The following PACRG variants were observed in gnomAD, a reference collection of about 807,000 sequenced individuals.
The protein encoded by PACRG is parkin coregulated gene protein.
PACRG carries 29 observed loss-of-function variants against 29.7 expected under a neutral mutation model. That is an observed-to-expected ratio of 0.98 (90% CI 0.73 to 1.33). PACRG has a LOEUF of 1.33. Among genes scored for constraint, PACRG ranks in the 40% most tolerant of loss-of-function variants. The pLI, the probability that PACRG is intolerant of heterozygous loss-of-function variation, is 0.00. For synonymous variants in PACRG, 116 were observed against 118.7 expected, an observed-to-expected ratio of 0.98 and a Z score of 0.15; for missense variants, 279 against 316.2, an observed-to-expected ratio of 0.88 and a Z score of 0.89.
chr6:163,177,673 A>G (rs997968289), intron 4 of PACRG, among the ~76,000 whole-genome samples: 8 of 138,732 alleles, frequency 5.8e-5, no homozygotes, highest in Non-Finnish European at 1.2e-4. Context: ...ATGGAAGGAG[A>G]GACTAAAAGA....
rs1810432339 is a variant in PACRG at position 163,055,020 on chromosome 6, A to G, written c.292-7130A>G. Among the ~76,000 whole-genome samples, 1 of 152,204 alleles carries G rather than the reference A, an allele frequency of 6.6e-6. No individual in the cohort carries two copies. Among genetic ancestry groups the G allele is most frequent in the African/African-American group, 2.4e-5 (1 of 41,446 alleles). Reference sequence around the variant, plus strand: ...TTGTGCTGTGCTGAGGAGAACAGAAAGGAGATTCAAGGATTAGACACAAAG... The same window carrying G: ...TTGTGCTGTGCTGAGGAGAACAGAAGGGAGATTCAAGGATTAGACACAAAG... On this transcript the variant is annotated intron_variant, in intron 2 of 4. Transcript: ENST00000366888. The surrounding 1 kb of genome is among the most constrained non-coding windows in gnomAD (Gnocchi z 4.0).
chr6:162,960,070 T>G (rs923339417), intron 2 of PACRG, among the ~76,000 whole-genome samples: 2 of 152,144 alleles, frequency 1.3e-5, no homozygotes, highest in Non-Finnish European at 2.9e-5. Context: ...ATCTCACACC[T>G]GTCAGAATGT....
intron 4 of PACRG, among the ~76,000 whole-genome samples, chr6:163,159,967 TGCTCCGAC>T (rs1778488697): frequency 6.6e-6 from 1 of 152,198 alleles, no homozygotes; most frequent in Non-Finnish European, 1.5e-5. Context: ...TTGCCAGCCC[TGCTCCGAC>T]AGAGGCTGGC....
Position 163,270,269 on chromosome 6 carries a change from G to A in PACRG, c.614-44558G>A, listed in dbSNP as rs557438155. 3.9e-5 allele frequency among the ~76,000 whole-genome samples: 6 copies of A among 152,198 alleles called. No homozygotes were observed. In the South Asian group the frequency reaches 1.2e-3, roughly 32 times the overall value. On this transcript the variant is annotated intron_variant, in intron 4 of 4. Coordinates refer to ENST00000366888, the MANE Select transcript of PACRG (RefSeq NM_001080379.2). ...TAGGTCGGCAGGCTAACCCCCTGGGGAAAAATATTTTTAAAATTATTAGGA... is the reference window on the plus strand; with the variant it reads ...TAGGTCGGCAGGCTAACCCCCTGGGAAAAAATATTTTTAAAATTATTAGGA...
At chr6:162,819,189 G>C (rs1787618540) in intron 2 of PACRG, among the ~76,000 whole-genome samples, 1 of 152,098 alleles carries the variant, frequency 6.6e-6, no homozygotes, top group African/African-American at 2.4e-5. Flanking sequence ...ATGTGAGAAT[G>C]GACTTAGGTG....
intron 4 of PACRG, among the ~76,000 whole-genome samples, chr6:163,103,871 A>C (rs1815236336): frequency 6.6e-6 from 1 of 152,230 alleles, no homozygotes; most frequent in Non-Finnish European, 1.5e-5. Flanking sequence ...GCATTGGATC[A>C]AATGACTTGC....
chr6:163,013,671 G>A (rs1467091378), intron 2 of PACRG, among the ~76,000 whole-genome samples: 1 of 151,998 alleles, frequency 6.6e-6, no homozygotes, highest in African/African-American at 2.4e-5. Flanking sequence ...AAGTGTTTCT[G>A]GTGCTGCATT....
intron 1 of PACRG, among the ~76,000 whole-genome samples, chr6:162,740,593 A>G (rs1026301156): frequency 7.6e-6 from 1 of 131,412 alleles, no homozygotes; most frequent in Non-Finnish European, 1.6e-5. Context: ...CTGGGATTAC[A>G]GGCATGAGCC....
intron 2 of PACRG, among the ~76,000 whole-genome samples, chr6:162,988,561 A>G (rs1404219589): frequency 6.6e-6 from 1 of 152,192 alleles, no homozygotes; most frequent in East Asian, 1.9e-4. Flanking sequence ...ACAGAAAGCT[A>G]TTATGTAGCC....
At chr6:163,223,837 T>G (rs1181057110) in intron 4 of PACRG, among the ~76,000 whole-genome samples, 2 of 152,152 alleles carry the variant, frequency 1.3e-5, no homozygotes, top group Admixed American at 6.5e-5. Context: ...GCTAATTGAA[T>G]TGCTTTTCTA....
At chr6:163,002,503 A>G (rs1804679917) in intron 2 of PACRG, among the ~76,000 whole-genome samples, 1 of 152,228 alleles carries the variant, frequency 6.6e-6, no homozygotes, top group Non-Finnish European at 1.5e-5. Context: ...AAAAGAGCAG[A>G]AATGATTAAG....
At chr6:163,144,129 TG>T (rs2128335563) in intron 4 of PACRG, among the ~76,000 whole-genome samples, 1 of 149,534 alleles carries the variant, frequency 6.7e-6, no homozygotes, top group African/African-American at 2.5e-5. Flanking sequence ...CATGGGAGTC[TG>T]GGGCAGGAGA....
At chr6:163,151,723 T>C (rs548404399) in intron 4 of PACRG, among the ~76,000 whole-genome samples, 9 of 152,334 alleles carry the variant, frequency 5.9e-5, no homozygotes, top group African/African-American at 1.9e-4. Flanking sequence ...AAGTTGAGTT[T>C]ACCCGCTAAA....
chr6:162,847,697 T>C (rs937498632), intron 2 of PACRG, among the ~76,000 whole-genome samples: 2 of 151,792 alleles, frequency 1.3e-5, no homozygotes, highest in East Asian at 1.9e-4. Flanking sequence ...TTAGGGAAGA[T>C]AGAGCATGTT....
chr6:163,313,479 G>A (rs1585423083), intron 4 of PACRG, among the ~76,000 whole-genome samples: 1 of 152,258 alleles, frequency 6.6e-6, no homozygotes, highest in East Asian at 1.9e-4. Context: ...GTGTAGGATT[G>A]TAATTGTTAT....
At chr6:162,806,335 T>C (rs1786324544) in intron 1 of PACRG, among the ~76,000 whole-genome samples, 1 of 151,772 alleles carries the variant, frequency 6.6e-6, no homozygotes, top group Non-Finnish European at 1.5e-5. Flanking sequence ...CTTGAACTCC[T>C]GACCTCAGGT....
intron 2 of PACRG, among the ~76,000 whole-genome samples, chr6:162,903,849 C>T (rs1386524109): frequency 6.6e-6 from 1 of 152,194 alleles, no homozygotes; most frequent in Non-Finnish European, 1.5e-5. Context: ...TTCACCCTGC[C>T]TCAGGGTGGG....
At chr6:162,814,305 G>A (rs1239304717) in intron 2 of PACRG, 24 bp downstream of exon 2, 11 of 1,607,200 alleles carry the variant, frequency 6.8e-6, no homozygotes, top group East Asian at 2.2e-5. Context: ...CAGCTGTGCC[G>A]GCCAGCTGCA....
intron 3 of PACRG, among the ~76,000 whole-genome samples, chr6:163,074,838 T>A (rs1171028902): frequency 2.6e-5 from 4 of 152,084 alleles, no homozygotes; most frequent in South Asian, 4.2e-4. Flanking sequence ...ATTAAAAAAA[T>A]TAATTAGCCA....
Sources: allele counts gnomAD v4.1 joint callset (sites outside exome capture counted in the v4.1 genomes callset), GRCh38; gene constraint gnomAD v4.1.1; non-coding constraint Gnocchi (gnomAD v3.1); transcripts MANE v1.5; gene names NCBI Gene and HGNC (gene_info 2026-07-23, HGNC 2026-07-21).